TCERG1L: variants seen among roughly 807,000 people sequenced by gnomAD.
TCERG1L encodes the protein transcription elongation regulator 1-like protein.
In TCERG1L, 37 loss-of-function variants were observed where a neutral mutation model predicts 56.3. The observed-to-expected ratio is 0.66, with a 90% CI of 0.51 to 0.87. The LOEUF is 0.87. Among genes scored for constraint, TCERG1L ranks in the 40% least tolerant of loss-of-function variants. TCERG1L has a pLI of 0.00. For missense variants in TCERG1L, 799 were observed against 774.2 expected, an observed-to-expected ratio of 1.03 and a Z score of -0.38; for synonymous variants, 324 against 326.3, an observed-to-expected ratio of 0.99 and a Z score of 0.08.
chr10:131,105,750 T>A (rs1388459075), intron 9 of TCERG1L, among the ~76,000 whole-genome samples: 1 of 152,212 alleles, frequency 6.6e-6, no homozygotes, highest in Non-Finnish European at 1.5e-5. Flanking sequence ...TCCACATTAC[T>A]TATGTACTCA....
intron 6 of TCERG1L, 22 bp downstream of exon 6, chr10:131,163,100 C>A: frequency 6.5e-7 from 1 of 1,530,394 alleles, no homozygotes; most frequent in East Asian, 2.3e-5. Flanking sequence ...GCTAGTGGCT[C>A]TCAGGCTTTG....
At chr10:131,146,485 A>C (rs374968710) in intron 7 of TCERG1L, 21 bp downstream of exon 7, 82 of 1,586,542 alleles carry the variant, frequency 5.2e-5, no homozygotes, top group Non-Finnish European at 6.8e-5. Flanking sequence ...AGGAGGTGTA[A>C]ATAACCCAGG....
chr10:131,297,884 T>C (rs1282265133), intron 3 of TCERG1L, among the ~76,000 whole-genome samples: 4 of 152,156 alleles, frequency 2.6e-5, no homozygotes, highest in Admixed American at 6.5e-5. Context: ...ATGGTTAGTG[T>C]TAAGATCCAT....
chr10:131,300,329 C>G (rs1339134755), intron 3 of TCERG1L, among the ~76,000 whole-genome samples: 2 of 152,128 alleles, frequency 1.3e-5, no homozygotes, highest in Admixed American at 6.5e-5. Context: ...ATTCTATCTT[C>G]TACGTATTCT....
At chr10:131,305,162 C>T (rs1015906882) in intron 3 of TCERG1L, among the ~76,000 whole-genome samples, 3 of 152,070 alleles carry the variant, frequency 2.0e-5, no homozygotes, top group African/African-American at 7.3e-5. Flanking sequence ...CATTTCTCCC[C>T]CAGGTCATAT....
chr10:131,123,310 A>T (rs1479433267), intron 8 of TCERG1L, among the ~76,000 whole-genome samples: 1 of 152,200 alleles, frequency 6.6e-6, no homozygotes, highest in East Asian at 1.9e-4. Flanking sequence ...AGGAAGTCAC[A>T]AAAAGCAAAC....
intron 9 of TCERG1L, among the ~76,000 whole-genome samples, chr10:131,111,200 G>A (rs1845410956): frequency 7.0e-6 from 1 of 142,852 alleles, no homozygotes; most frequent in African/African-American, 2.5e-5. Context: ...CTGGGGCTGG[G>A]CTCAGCCGGG....
intron 4 of TCERG1L, among the ~76,000 whole-genome samples, chr10:131,213,508 C>T (rs1299281869): frequency 6.6e-6 from 1 of 152,178 alleles, no homozygotes; most frequent in Non-Finnish European, 1.5e-5. Context: ...ATCAAGACAC[C>T]CCACAGCCTC....
intron 4 of TCERG1L, among the ~76,000 whole-genome samples, chr10:131,178,779 G>C (rs1428836411): frequency 6.6e-6 from 1 of 152,162 alleles, no homozygotes; most frequent in Non-Finnish European, 1.5e-5. Flanking sequence ...TGCGCTCCAG[G>C]ATGAAGATCT....
intron 5 of TCERG1L, among the ~76,000 whole-genome samples, chr10:131,164,694 G>A (rs1846013119): frequency 6.6e-6 from 1 of 152,186 alleles, no homozygotes; most frequent in Admixed American, 6.5e-5. Context: ...GCTGAGAATG[G>A]CAGGTGCAAT....
intron 3 of TCERG1L, among the ~76,000 whole-genome samples, chr10:131,291,396 C>CCTTTTTTT (rs1167056441): frequency 4.4e-5 from 3 of 67,698 alleles, no homozygotes; most frequent in Admixed American, 2.1e-4. Flanking sequence ...CCATAAACAG[C>CCTTTTTTT]ATTTCTTTTT....
chr10:131,281,545 C>T (rs1846454122), intron 3 of TCERG1L, among the ~76,000 whole-genome samples: 1 of 152,154 alleles, frequency 6.6e-6, no homozygotes, highest in African/African-American at 2.4e-5. Context: ...GAGTGAAGCC[C>T]AAGCCCCCAG....
intron 3 of TCERG1L, among the ~76,000 whole-genome samples, chr10:131,283,075 A>G (rs1237387399): frequency 6.6e-6 from 1 of 152,246 alleles, no homozygotes; most frequent in Non-Finnish European, 1.5e-5. Flanking sequence ...TTATTACACA[A>G]TTTTAGAGCT....
chr10:131,109,694 G>A (rs1192313787), intron 9 of TCERG1L, among the ~76,000 whole-genome samples: 7 of 152,194 alleles, frequency 4.6e-5, no homozygotes, highest in Non-Finnish European at 1.0e-4. Context: ...GAGGTCACCT[G>A]GGCTGGGCTG....
At chr10:131,180,333 G>A (rs776131175) in intron 4 of TCERG1L, among the ~76,000 whole-genome samples, 2 of 152,216 alleles carry the variant, frequency 1.3e-5, no homozygotes, top group Admixed American at 6.5e-5. Flanking sequence ...CCGTAGAGAC[G>A]GCTGCCACTG....
chr10:131,124,278 G>T (rs1845542939), intron 8 of TCERG1L, among the ~76,000 whole-genome samples: 1 of 152,128 alleles, frequency 6.6e-6, no homozygotes, highest in South Asian at 2.1e-4. Flanking sequence ...ATCCTATGCA[G>T]CCGAGCTCCA....
At chr10:131,197,185 A>T (rs1374979875) in intron 4 of TCERG1L, among the ~76,000 whole-genome samples, 34 of 148,686 alleles carry the variant, frequency 2.3e-4, no homozygotes, top group Non-Finnish European at 1.6e-4. Context: ...TCTCTCCTCC[A>T]TTTTTTTTTT....
chr10:131,305,760 G>A (rs750306546), intron 3 of TCERG1L, among the ~76,000 whole-genome samples: 72 of 151,816 alleles, frequency 4.7e-4, no homozygotes, highest in Non-Finnish European at 6.5e-4. Context: ...GAAGGGGATC[G>A]ATAAAATATA....
chr10:131,105,699 G>C (rs1260031439), intron 9 of TCERG1L, among the ~76,000 whole-genome samples: 1 of 151,524 alleles, frequency 6.6e-6, no homozygotes, highest in Non-Finnish European at 1.5e-5. Flanking sequence ...ATGAGTGACT[G>C]GGAAATGTTC....
Sources: gnomAD v4.1 joint callset for allele counts (sites outside exome capture counted in the v4.1 genomes callset) on GRCh38, gnomAD v4.1.1 for gene constraint, MANE v1.5 for transcripts, NCBI Gene and HGNC (gene_info 2026-07-23, HGNC 2026-07-21) for gene names.